CSMD1: variants seen among roughly 807,000 people sequenced by gnomAD.
CSMD1 encodes CUB and Sushi multiple domains 1.
A neutral mutation model predicts 417.5 loss-of-function variants in CSMD1; 213 were observed. The observed-to-expected ratio is 0.51, with a 90% confidence interval of 0.46 to 0.57. The LOEUF (loss-of-function observed/expected upper bound fraction) is 0.57. Ranked by LOEUF, CSMD1 falls within the 20% of genes least tolerant of loss-of-function variation. The pLI is 0.00. For synonymous variants in CSMD1, 2,862 were observed against 1,736.8 expected (o/e 1.65, Z -16.11); for missense variants, 6,923 against 4,529.7 (o/e 1.53, Z -15.17).
chr8:3,644,807 C>G (rs1212673988), intron 7 of CSMD1, among the ~76,000 whole-genome samples: 1 of 152,034 alleles, frequency 6.6e-6, no homozygotes, highest in South Asian at 2.1e-4. Flanking sequence ...AGCATTTCCA[C>G]TTAACATCCT....
At chr8:4,353,586 T>A (rs1209996735) in intron 3 of CSMD1, among the ~76,000 whole-genome samples, 2 of 151,884 alleles carry the variant, frequency 1.3e-5, no homozygotes, top group Non-Finnish European at 2.9e-5. Flanking sequence ...AAGTAGCATA[T>A]CCTGAAGCAC....
chr8:3,693,803 T>C (rs937774681), intron 7 of CSMD1, among the ~76,000 whole-genome samples: 1 of 151,650 alleles, frequency 6.6e-6, no homozygotes, highest in Non-Finnish European at 1.5e-5. Flanking sequence ...GCGTCGTGTG[T>C]GTGTGTGTTG....
intron 37 of CSMD1, among the ~76,000 whole-genome samples, chr8:3,164,632 T>C (rs565450051): frequency 3.3e-5 from 5 of 152,308 alleles, no homozygotes; most frequent in Admixed American, 6.5e-5. Context: ...CTTAAAATAC[T>C]AGGTAAATTT....
intron 1 of CSMD1, among the ~76,000 whole-genome samples, chr8:4,844,904 A>G (rs1801045233): frequency 6.6e-6 from 1 of 152,184 alleles, no homozygotes; most frequent in African/African-American, 2.4e-5. Flanking sequence ...ATACAAGAGT[A>G]TGGTTTTACT....
intron 6 of CSMD1, among the ~76,000 whole-genome samples, chr8:3,722,242 A>C (rs1219994488): frequency 6.6e-6 from 1 of 152,076 alleles, no homozygotes; most frequent in Non-Finnish European, 1.5e-5. Context: ...AGGGAGGCAG[A>C]GATTGCAGTG....
intron 8 of CSMD1, among the ~76,000 whole-genome samples, chr8:3,592,806 C>G (rs1800912074): frequency 6.6e-6 from 1 of 152,104 alleles, no homozygotes; most frequent in Admixed American, 6.5e-5. Context: ...TACAGACTTC[C>G]AAATTCACAG....
At chr8:3,653,094 T>A (rs1278309667) in intron 7 of CSMD1, among the ~76,000 whole-genome samples, 3 of 152,252 alleles carry the variant, frequency 2.0e-5, no homozygotes, top group African/African-American at 7.2e-5. Context: ...ACGTCATGCT[T>A]CCAGCCTCCA....
At chr8:3,986,399 C>T (rs1030163120) in intron 5 of CSMD1, among the ~76,000 whole-genome samples, 5 of 152,182 alleles carry the variant, frequency 3.3e-5, no homozygotes, top group African/African-American at 7.2e-5. Flanking sequence ...AGGCCCTGGA[C>T]ATTTCACTGT....
intron 5 of CSMD1, among the ~76,000 whole-genome samples, chr8:3,968,642 G>T (rs1240275992): frequency 6.6e-6 from 1 of 152,092 alleles, no homozygotes; most frequent in African/African-American, 2.4e-5. Flanking sequence ...ACAGTCTGAG[G>T]CTCTACTGTC....
At chr8:3,617,682 G>C (rs1486285830) in intron 7 of CSMD1, among the ~76,000 whole-genome samples, 1 of 152,176 alleles carries the variant, frequency 6.6e-6, no homozygotes, top group Non-Finnish European at 1.5e-5. Context: ...GGAGACAACA[G>C]CATGTATGCA....
chr8:2,994,908 C>G (rs927375647), intron 54 of CSMD1, among the ~76,000 whole-genome samples: 1 of 152,010 alleles, frequency 6.6e-6, no homozygotes, highest in Non-Finnish European at 1.5e-5. Flanking sequence ...AGACTTTATA[C>G]AAAAATTAAC....
intron 3 of CSMD1, among the ~76,000 whole-genome samples, chr8:4,033,560 T>A (rs926338842): frequency 1.3e-5 from 2 of 152,216 alleles, no homozygotes; most frequent in African/African-American, 2.4e-5. Context: ...GTGTATTGAT[T>A]GATGTCTTAT....
chr8:2,981,260 C>A (rs1301641379), intron 54 of CSMD1, among the ~76,000 whole-genome samples: 1 of 152,216 alleles, frequency 6.6e-6, no homozygotes, highest in East Asian at 1.9e-4. Flanking sequence ...AGCACCTTTC[C>A]CATCTGTATT....
chr8:3,232,078 G>C (rs929693254), intron 26 of CSMD1, among the ~76,000 whole-genome samples: 19 of 152,100 alleles, frequency 1.2e-4, no homozygotes, highest in African/African-American at 4.3e-4. Context: ...CTAAGCAATA[G>C]AGTATTTACC....
At position 3,400,358 on chromosome 8, in the gene CSMD1, C is replaced by T. The variant is rs1459181668; in HGVS notation, c.2267-829G>A. 2.6e-5 allele frequency among the ~76,000 whole-genome samples: 4 copies of T among 151,922 alleles called. No homozygotes were observed. In the East Asian group the frequency reaches 7.7e-4, roughly 29 times the overall value. ...ATCAAATAAAGTACGTGAAAATACTCCAAGGTGAAAAAATCCTTTTGGAAA... is the reference window on the plus strand; with the variant it reads ...ATCAAATAAAGTACGTGAAAATACTTCAAGGTGAAAAAATCCTTTTGGAAA... On this transcript the variant is annotated intron_variant, in intron 15 of 69. Transcript: ENST00000635120.
rs77008565 is a variant in CSMD1 at position 3,815,659 on chromosome 8, G to A, written c.819-61617C>T. Among the ~76,000 whole-genome samples the A allele has an allele frequency of 1.2e-4, 17 of 147,172 alleles. No individual in the cohort carries two copies. In the East Asian group the frequency reaches 1.8e-3, roughly 16 times the overall value. ...TTTTTTTTAACAAATAAACAACCTA[G>A]ACAATATCCTCCCAGTCTCTTATCA... On this transcript the variant is annotated intron_variant, in intron 5 of 69. Coordinates refer to ENST00000635120, the MANE Select transcript of CSMD1 (RefSeq NM_033225.6).
At chr8:3,531,953 T>C (rs1198643435) in intron 10 of CSMD1, among the ~76,000 whole-genome samples, 1 of 152,172 alleles carries the variant, frequency 6.6e-6, no homozygotes, top group Non-Finnish European at 1.5e-5. Context: ...AGGACCCACC[T>C]GCAAAATAAA....
At chr8:3,984,787 G>A (rs529326178) in intron 5 of CSMD1, among the ~76,000 whole-genome samples, 6 of 144,220 alleles carry the variant, frequency 4.2e-5, no homozygotes, top group Non-Finnish European at 9.0e-5. Context: ...GTGTGTGTGG[G>A]TGTAAAGGGA....
At chr8:4,876,896 T>C (rs574484161) in intron 1 of CSMD1, among the ~76,000 whole-genome samples, 7 of 152,166 alleles carry the variant, frequency 4.6e-5, no homozygotes, top group African/African-American at 1.7e-4. Context: ...AAAGAACACA[T>C]TGATTCAAGG....
Sources: allele counts gnomAD v4.1 joint callset (sites outside exome capture counted in the v4.1 genomes callset), GRCh38; gene constraint gnomAD v4.1.1; transcripts MANE v1.5; gene names NCBI Gene and HGNC (gene_info 2026-07-23, HGNC 2026-07-21).